Variants in CACNA1B observed in about 807,000 individuals in gnomAD.
The protein encoded by CACNA1B is voltage-dependent N-type calcium channel subunit alpha-1B.
CACNA1B carries 70 observed loss-of-function variants against 247.2 expected under a neutral mutation model. The ratio of observed to expected loss-of-function variants is 0.28; its 90% CI spans 0.23 to 0.35. The LOEUF is 0.35. Ranked by LOEUF, CACNA1B falls within the 10% of genes least tolerant of loss-of-function variation. The pLI, the probability that CACNA1B is intolerant of heterozygous loss-of-function variation, is 1.00. For synonymous variants in CACNA1B, 1,231 were observed against 1,294.4 expected (o/e 0.95, Z 1.05); for missense variants, 2,367 against 3,197.4 (o/e 0.74, Z 6.26).
At chr9:138,066,880 TA>T (rs1172116893) in intron 31 of CACNA1B, among the ~76,000 whole-genome samples, 3 of 152,058 alleles carry the variant, frequency 2.0e-5, no homozygotes, top group African/African-American at 7.2e-5. Context: ...AAGAAAAGTA[TA>T]AGAATAGAAA....
chr9:138,088,799 A>C (rs961573139), intron 36 of CACNA1B, among the ~76,000 whole-genome samples: 6 of 147,894 alleles, frequency 4.1e-5, no homozygotes, highest in Non-Finnish European at 6.0e-5. Flanking sequence ...CTAAAATACA[A>C]AAAAAAAAAA....
rs1961779732 is a variant in CACNA1B, at chr9:138,114,358, ACTC to A, written c.5537-17_5537-15del. On this transcript the variant is annotated splice_polypyrimidine_tract_variant and intron_variant, in intron 40 of 46. Coordinates refer to ENST00000371372, the MANE Select transcript of CACNA1B (RefSeq NM_000718.4). The stretch of plus-strand genomic sequence containing the variant: ...CCTCTGCCCCCTTCTCCGAATCTCA[ACTC>A]CTGTGTTCTTTTCCAGCTGATGAGA... The A allele has an allele frequency of 1.6e-6, 2 of 1,277,514 alleles. No homozygotes were observed. The highest frequency in any genetic ancestry group is 2.3e-6 in the Non-Finnish European group (2 of 887,152). The allele number at this position is 1,277,514 out of a possible 1,614,324, so 79.1% of individuals were successfully genotyped here. A position where few individuals can be genotyped will look rare whatever the true frequency, so the allele number is the denominator to read the frequency against.
chr9:138,119,327 C>T (rs1178969272), intron 44 of CACNA1B, among the ~76,000 whole-genome samples: 1 of 152,118 alleles, frequency 6.6e-6, no homozygotes, highest in Admixed American at 6.5e-5. Flanking sequence ...GGGGGAGGCT[C>T]CTTCCACAAG....
In CACNA1B at chr9:138,100,436, G is replaced by GC. The variant is rs1961214039; in HGVS notation, c.5223-2269dup. ...GGGTGGGGGGTCTCACGTGTGTCCAGCCCCCCGTGGTGGTCCCTTGGCTGC... is the reference window on the plus strand; with the variant it reads ...GGGTGGGGGGTCTCACGTGTGTCCAGCCCCCCCGTGGTGGTCCCTTGGCTGC... On this transcript the variant is annotated intron_variant, in intron 37 of 46. Transcript: ENST00000371372. The surrounding 1 kb of genome is among the most constrained non-coding windows in gnomAD (Gnocchi z 4.6). Among the ~76,000 whole-genome samples, 7 of 152,256 alleles carry GC rather than the reference G, an allele frequency of 4.6e-5. No individual in the cohort carries two copies. Among genetic ancestry groups the GC allele is most frequent in the Admixed American group, 3.3e-4 (5 of 15,294 alleles).
chr9:138,114,538 G>A, intron 41 of CACNA1B, 48 bp downstream of exon 41: 1 of 949,280 alleles, frequency 1.1e-6, no homozygotes, highest in Non-Finnish European at 1.7e-6. Context: ...TGCCTCCGAG[G>A]CTCTGGCATC....
At chr9:137,959,663 C>A (rs1957988092) in intron 10 of CACNA1B, among the ~76,000 whole-genome samples, 1 of 152,126 alleles carries the variant, frequency 6.6e-6, no homozygotes. Flanking sequence ...TGTTGGGATC[C>A]CTTTCTGTGG....
At position 137,986,321 on chromosome 9, in the gene CACNA1B, A is replaced by T. The variant is rs985096028; in HGVS notation, c.1770-92A>T. The T allele has an allele frequency of 2.2e-5, 32 of 1,427,776 alleles. No homozygotes were observed. Among genetic ancestry groups the T allele is most frequent in the Non-Finnish European group, 3.0e-5 (31 of 1,039,806 alleles). The allele number at this position is 1,427,776 out of a possible 1,614,324, so 88.4% of individuals were successfully genotyped here. A position where few individuals can be genotyped will look rare whatever the true frequency, so the allele number is the denominator to read the frequency against. On this transcript the variant is annotated intron_variant, in intron 13 of 46. Coordinates refer to ENST00000371372, the MANE Select transcript of CACNA1B (RefSeq NM_000718.4). The surrounding 1 kb of genome is among the most constrained non-coding windows in gnomAD (Gnocchi z 6.0). ...TAGGTGTGCAGCCCTCAGGGTTTAG[A>T]AAGTCAGTGGAGCCTTAAGTGTGGC...
In CACNA1B at chr9:138,023,254, G is replaced by A; in HGVS notation, c.2511G>A (p.Glu837=). The change falls in exon 19 of 47, where the codon GAG becomes GAA. Residue 837 remains glutamate, a synonymous_variant. Transcript: ENST00000371372. ...RGPVGGKARP[E]AAEAPEGVDP... ...CCGTGGGAGGCAAAGCCCGACCTGA[G>A]GCTGCGGAGGCCCCCGAGGGCGTCG... The A allele has an allele frequency of 6.6e-7, 1 of 1,514,982 alleles. No individual in the cohort carries two copies. Among genetic ancestry groups the A allele is most frequent in the Non-Finnish European group, 8.8e-7 (1 of 1,139,778 alleles). 93.8% of individuals were successfully genotyped at this position (1,514,982 alleles called of 1,614,324 possible).
chr9:137,920,313 C>T (rs984437235), intron 6 of CACNA1B, among the ~76,000 whole-genome samples: 1 of 152,210 alleles, frequency 6.6e-6, no homozygotes, highest in Non-Finnish European at 1.5e-5. Context: ...TCTCATGCCT[C>T]AGCCTCCTAA....
At chr9:138,071,306 G>A (rs1438363741) in intron 32 of CACNA1B, among the ~76,000 whole-genome samples, 1 of 152,246 alleles carries the variant, frequency 6.6e-6, no homozygotes, top group Non-Finnish European at 1.5e-5. Flanking sequence ...GTAAGGAAGG[G>A]CCTGGCCTTG....
chr9:137,918,039 G>T (rs1185954364), intron 6 of CACNA1B, among the ~76,000 whole-genome samples: 1 of 152,234 alleles, frequency 6.6e-6, no homozygotes, highest in Non-Finnish European at 1.5e-5. Context: ...CCTCGGTCAC[G>T]CAGGGATTCT....
intron 36 of CACNA1B, among the ~76,000 whole-genome samples, chr9:138,082,118 A>C (rs1193660147): frequency 6.6e-6 from 1 of 151,352 alleles, no homozygotes; most frequent in Non-Finnish European, 1.5e-5. Flanking sequence ...TTGACACCAG[A>C]ATCACAATAA....
intron 3 of CACNA1B, among the ~76,000 whole-genome samples, chr9:137,894,017 TACCTTTG>T (rs1957141237): frequency 3.3e-5 from 5 of 152,374 alleles, no homozygotes; most frequent in Non-Finnish European, 7.3e-5. Flanking sequence ...AATGAAGTCA[TACCTTTG>T]GATTTGCCTT....
intron 39 of CACNA1B, among the ~76,000 whole-genome samples, chr9:138,110,854 A>T (rs943824782): frequency 2.0e-5 from 3 of 152,230 alleles, no homozygotes; most frequent in African/African-American, 7.2e-5. Flanking sequence ...ACTCCCTAAG[A>T]AAATAACCCA....
rs1962076399 is a variant in CACNA1B, at chr9:138,121,066, G to A, written c.6489+185G>A. On this transcript the variant is annotated intron_variant, in intron 46 of 46. Coordinates refer to ENST00000371372, the MANE Select transcript of CACNA1B (RefSeq NM_000718.4). This position sits in a 1 kb window ranked among gnomAD's most constrained non-coding sequence, Gnocchi z 6.8. Reference sequence around the variant, plus strand: ...CCCACGTCTGCAGCCTACCCCAGCTGTGTTCTCATCAAGCTCCTGCCTGGG... The same window carrying A: ...CCCACGTCTGCAGCCTACCCCAGCTATGTTCTCATCAAGCTCCTGCCTGGG... Among the ~76,000 whole-genome samples the A allele has an allele frequency of 6.6e-6, 1 of 152,148 alleles. No homozygotes were observed. The highest frequency in any genetic ancestry group is 6.5e-5 in the Admixed American group (1 of 15,280).
rs1485019148 is a variant in CACNA1B, at chr9:137,913,122, C to T, written c.531-58C>T. On this transcript the variant is annotated intron_variant, in intron 3 of 46. Transcript: ENST00000371372. The surrounding 1 kb of genome is among the most constrained non-coding windows in gnomAD (Gnocchi z 5.2). ...GACCCTGGTGGTGGGAGGAGTGTGTCCTCTTCCAGGCTCAATGTGGAAACC... is the reference window on the plus strand; with the variant it reads ...GACCCTGGTGGTGGGAGGAGTGTGTTCTCTTCCAGGCTCAATGTGGAAACC... 2 of 1,361,138 alleles carry T rather than the reference C, an allele frequency of 1.5e-6. No individual in the cohort carries two copies. Among genetic ancestry groups the T allele is most frequent in the African/African-American group, 1.4e-5 (1 of 70,040 alleles). The allele number at this position is 1,361,138 out of a possible 1,614,324, so 84.3% of individuals were successfully genotyped here. A position where few individuals can be genotyped will look rare whatever the true frequency, so the allele number is the denominator to read the frequency against.
rs1025906530 is a variant in CACNA1B at position 138,102,501 on chromosome 9, G to T, written c.5223-210G>T. 4.6e-5 allele frequency among the ~76,000 whole-genome samples: 7 copies of T among 152,070 alleles called. No individual in the cohort carries two copies. Among genetic ancestry groups the T allele is most frequent in the African/African-American group, 1.7e-4 (7 of 41,410 alleles). The stretch of plus-strand genomic sequence containing the variant: ...GAGGAGGTGAGGCTCGGGGGTGGGG[G>T]GCCAGGAGGGGGTCAAGCCAAGCAG... On this transcript the variant is annotated intron_variant, in intron 37 of 46. Transcript: ENST00000371372. The surrounding 1 kb of genome is among the most constrained non-coding windows in gnomAD (Gnocchi z 5.4).
At chr9:138,009,332 C>T (rs1958695094) in intron 16 of CACNA1B, among the ~76,000 whole-genome samples, 1 of 152,228 alleles carries the variant, frequency 6.6e-6, no homozygotes, top group Non-Finnish European at 1.5e-5. Context: ...TCTGCCGTCT[C>T]CACGGCCTGA....
chr9:138,022,304 G>A (rs908152647), intron 18 of CACNA1B, among the ~76,000 whole-genome samples: 1 of 152,196 alleles, frequency 6.6e-6, no homozygotes, highest in African/African-American at 2.4e-5. Context: ...TGACTTCTGG[G>A]CTCCTGGTCA....
Sources: allele counts gnomAD v4.1 joint callset (sites outside exome capture counted in the v4.1 genomes callset), GRCh38; gene constraint gnomAD v4.1.1; non-coding constraint Gnocchi (gnomAD v3.1); transcripts MANE v1.5; gene names NCBI Gene and HGNC (gene_info 2026-07-23, HGNC 2026-07-21).